The following NOTCH2NLR variants were observed in gnomAD, a reference collection of about 807,000 sequenced individuals.
NOTCH2NLR encodes notch 2 N-terminal like R (pseudogene).
Under a neutral mutation model 35.6 loss-of-function variants are expected in NOTCH2NLR, and 33 were observed. That is an observed-to-expected ratio of 0.93 (90% CI 0.70 to 1.24). The LOEUF is 1.24. Ranked by LOEUF, NOTCH2NLR falls within the 50% of genes most tolerant of loss-of-function variation. The pLI is 0.00. For missense variants in NOTCH2NLR, 276 were observed against 362.2 expected (o/e 0.76, Z 1.93); for synonymous variants, 103 against 141.0 (o/e 0.73, Z 1.91).
At chr1:120,793,832 TG>T in exon 5 of NOTCH2NLR, 1 of 790,158 alleles carries the variant, frequency 1.3e-6, no homozygotes, top group South Asian at 1.5e-5. Context: ...AATTAGACAC[TG>T]GAAAATATGT....
chr1:120,754,780 G>C (rs1459206584), intron 1 of NOTCH2NLR, among the ~76,000 whole-genome samples: 1 of 115,458 alleles, frequency 8.7e-6, no homozygotes, highest in African/African-American at 5.1e-5. Context: ...GGTAAGAAAG[G>C]AACTTTCAAA....
Position 120,793,499 on chromosome 1 carries a change from A to G in NOTCH2NLR, c.751+3A>G. 1.6e-6 allele frequency: 2 copies of G among 1,243,468 alleles called. 1 individual carries two copies. Among genetic ancestry groups the G allele is most frequent in the Non-Finnish European group, 2.2e-6 (2 of 904,396 alleles). 77.0% of individuals were successfully genotyped at this position (1,243,468 alleles called of 1,614,324 possible). On this transcript the variant is annotated splice_donor_region_variant and intron_variant, in intron 4 of 4. Transcript: ENST00000624419. ...TTTTGAGTGCAACTGCCTTCCAGGTAAGGAGCTCCCTAGTGTCCCAGGATT... is the reference window on the plus strand; with the variant it reads ...TTTTGAGTGCAACTGCCTTCCAGGTGAGGAGCTCCCTAGTGTCCCAGGATT...
intron 2 of NOTCH2NLR, among the ~76,000 whole-genome samples, chr1:120,770,310 T>G (rs1163119136): frequency 9.5e-6 from 1 of 105,814 alleles, no homozygotes; most frequent in Non-Finnish European, 1.7e-5. Flanking sequence ...GCCGGGACTA[T>G]AAGCGCCCGC....
At chr1:120,728,738 T>G (rs2101343221) in intron 1 of NOTCH2NLR, among the ~76,000 whole-genome samples, 1 of 117,670 alleles carries the variant, frequency 8.5e-6, no homozygotes, top group Non-Finnish European at 1.6e-5. Context: ...TTTTTTGAGA[T>G]TTTTTTCATT....
At chr1:120,770,232 C>G (rs1407445330) in intron 2 of NOTCH2NLR, among the ~76,000 whole-genome samples, 1 of 102,502 alleles carries the variant, frequency 9.8e-6, no homozygotes, top group South Asian at 2.9e-4. Flanking sequence ...TGCAGTGGCG[C>G]TTTCTTGGCT....
In NOTCH2NLR at chr1:120,780,069, G is replaced by A. The variant is rs1228696421; in HGVS notation, c.156-4905G>A. ...TAGAGATGGATTTTGTGGAACATTT[G>A]GATTGAGAGACTGACTTTATCCATC... On this transcript the variant is annotated intron_variant, in intron 2 of 4. Coordinates refer to ENST00000624419, the Ensembl canonical transcript of NOTCH2NLR. Among the ~76,000 whole-genome samples, 1,253 of 129,322 alleles carry A rather than the reference G, an allele frequency of 9.7e-3. 99 individuals are homozygous for A. Among genetic ancestry groups the A allele is most frequent in the Non-Finnish European group, 0.013 (784 of 61,898 alleles). The allele number at this position is 129,322 out of a possible 152,430, so 84.8% of individuals were successfully genotyped here. A position where few individuals can be genotyped will look rare whatever the true frequency, so the allele number is the denominator to read the frequency against.
chr1:120,782,902 TAGTC>T lies in NOTCH2NLR; in HGVS notation c.156-2069_156-2066del, dbSNP rs1284862788. Among the ~76,000 whole-genome samples the T allele has an allele frequency of 3.4e-4, 32 of 94,110 alleles. 2 individuals carry two copies. Among genetic ancestry groups the T allele is most frequent in the Middle Eastern group, 4.8e-3 (1 of 210 alleles). The allele number at this position is 94,110 out of a possible 152,430, so 61.7% of individuals were successfully genotyped here. On this transcript the variant is annotated intron_variant, in intron 2 of 4. Coordinates refer to ENST00000624419, the Ensembl canonical transcript of NOTCH2NLR. ...ATTGAAGACTGTTCTTTTGTTGAAG[TAGTC>T]AGCCAGTAATTTCACTTAACAAATG...
In NOTCH2NLR at chr1:120,778,323, C is replaced by T. The variant is rs1390030402; in HGVS notation, c.156-6651C>T. Among the ~76,000 whole-genome samples the T allele has an allele frequency of 7.6e-5, 6 of 79,338 alleles. 1 individual carries two copies. Among genetic ancestry groups the T allele is most frequent in the Admixed American group, 1.2e-4 (1 of 8,062 alleles). 52.0% of individuals were successfully genotyped at this position (79,338 alleles called of 152,430 possible). ...CGGATTGGGGGGCCAAGAGGCCCAGCGCAAGAAGAAAGTGGGTTGAAAGCA... is the reference window on the plus strand; with the variant it reads ...CGGATTGGGGGGCCAAGAGGCCCAGTGCAAGAAGAAAGTGGGTTGAAAGCA... On this transcript the variant is annotated intron_variant, in intron 2 of 4. Coordinates refer to ENST00000624419, the Ensembl canonical transcript of NOTCH2NLR.
rs1207326563 is a variant in NOTCH2NLR at position 120,745,180 on chromosome 1, A to T, written c.74-18448A>T. Among the ~76,000 whole-genome samples the T allele has an allele frequency of 1.8e-5, 2 of 109,816 alleles. 1 individual carries two copies. The highest frequency in any genetic ancestry group is 1.1e-4 in the African/African-American group (2 of 18,214). The allele number at this position is 109,816 out of a possible 152,430, so 72.0% of individuals were successfully genotyped here. ...TGGTATTGGGCCTGTCTAATTGCAAAGCCACATTCTTTACTGCACGCTTTA... is the reference window on the plus strand; with the variant it reads ...TGGTATTGGGCCTGTCTAATTGCAATGCCACATTCTTTACTGCACGCTTTA... On this transcript the variant is annotated intron_variant, in intron 1 of 4. Transcript: ENST00000624419.
At chr1:120,756,602 A>C (rs1651082995) in intron 1 of NOTCH2NLR, among the ~76,000 whole-genome samples, 1 of 117,968 alleles carries the variant, frequency 8.5e-6, no homozygotes, top group Admixed American at 8.0e-5. Flanking sequence ...ATGTTAATGC[A>C]ACAAGTAAAA....
intron 1 of NOTCH2NLR, among the ~76,000 whole-genome samples, chr1:120,744,974 G>A (rs1438840280): frequency 3.5e-5 from 1 of 28,408 alleles, no homozygotes; most frequent in African/African-American, 4.9e-4. Context: ...AAAAAAATTA[G>A]CCAGGAGTGG....
downstream of NOTCH2NLR, among the ~76,000 whole-genome samples, chr1:120,794,391 T>C (rs1651533898): frequency 7.0e-5 from 8 of 113,582 alleles, 3 homozygotes; most frequent in Admixed American, 6.8e-4. Flanking sequence ...GATGAATTAC[T>C]AAGCAACAAA....
intron 3 of NOTCH2NLR, among the ~76,000 whole-genome samples, chr1:120,791,340 A>G (rs1443191961): frequency 1.0e-5 from 1 of 98,930 alleles, no homozygotes; most frequent in Non-Finnish European, 1.8e-5. Context: ...ATAAAGACAC[A>G]TGCACACGTA....
At position 120,768,060 on chromosome 1, in the gene NOTCH2NLR, C is replaced by T. The variant is rs1181407154; in HGVS notation, c.155+4351C>T. On this transcript the variant is annotated intron_variant, in intron 2 of 4. Coordinates refer to ENST00000624419, the Ensembl canonical transcript of NOTCH2NLR. ...GTGGGTGATAGATTTTAAAGTTTATCTCCCACTAAAGAATGTTGAATTTTG... is the reference window on the plus strand; with the variant it reads ...GTGGGTGATAGATTTTAAAGTTTATTTCCCACTAAAGAATGTTGAATTTTG... Among the ~76,000 whole-genome samples, 2 of 102,264 alleles carry T rather than the reference C, an allele frequency of 2.0e-5. 1 individual carries two copies. Among genetic ancestry groups the T allele is most frequent in the African/African-American group, 1.3e-4 (2 of 15,684 alleles). 67.1% of individuals were successfully genotyped at this position (102,264 alleles called of 152,430 possible).
In NOTCH2NLR at chr1:120,724,745, G is replaced by A. The variant is rs1328550550; in HGVS notation, c.73+495G>A. 1.7e-5 allele frequency among the ~76,000 whole-genome samples: 2 copies of A among 120,268 alleles called. 1 individual carries two copies. Among genetic ancestry groups the A allele is most frequent in the African/African-American group, 8.4e-5 (2 of 23,884 alleles). The allele number at this position is 120,268 out of a possible 152,430, so 78.9% of individuals were successfully genotyped here. A position where few individuals can be genotyped will look rare whatever the true frequency, so the allele number is the denominator to read the frequency against. On this transcript the variant is annotated intron_variant, in intron 1 of 4. Coordinates refer to ENST00000624419, the Ensembl canonical transcript of NOTCH2NLR. ...TTTGCCAGGGGGCGGCACATGGGCC[G>A]GGTGTGTGGGCTTGGTTTGGATGGG...
In NOTCH2NLR at chr1:120,784,932, A is replaced by G; in HGVS notation, c.156-42A>G. 4.2e-6 allele frequency: 5 copies of G among 1,200,100 alleles called. 1 individual carries two copies. In the Admixed American group the frequency reaches 6.5e-5, roughly 16 times the overall value. 74.3% of individuals were successfully genotyped at this position (1,200,100 alleles called of 1,614,324 possible). ...TTTACTGTAATTTTTTGGACTTACA[A>G]GAAGTCAGGTGTTTTCATGGACTCT... On this transcript the variant is annotated intron_variant, in intron 2 of 4. Coordinates refer to ENST00000624419, the Ensembl canonical transcript of NOTCH2NLR.
Position 120,733,214 on chromosome 1 carries a change from T to A in NOTCH2NLR, c.73+8964T>A, listed in dbSNP as rs1414458871. On this transcript the variant is annotated intron_variant, in intron 1 of 4. Coordinates refer to ENST00000624419, the Ensembl canonical transcript of NOTCH2NLR. Reference sequence around the variant, plus strand: ...TATTGTCAACACTAGGTTTTATTTTTAAAAATCTTTACCATTTGATAAGTG... The same window carrying A: ...TATTGTCAACACTAGGTTTTATTTTAAAAAATCTTTACCATTTGATAAGTG... Among the ~76,000 whole-genome samples the A allele has an allele frequency of 3.9e-5, 4 of 102,440 alleles. 2 individuals are homozygous for A. The highest frequency in any genetic ancestry group is 2.5e-4 in the African/African-American group (4 of 16,020). 67.2% of individuals were successfully genotyped at this position (102,440 alleles called of 152,430 possible).
intron 2 of NOTCH2NLR, among the ~76,000 whole-genome samples, chr1:120,784,024 A>G (rs1651394928): frequency 8.8e-6 from 1 of 113,826 alleles, no homozygotes; most frequent in Non-Finnish European, 1.7e-5. Flanking sequence ...TAAGAAGTAG[A>G]TGGAAAAGAA....
rs1460479858 is a variant in NOTCH2NLR, at chr1:120,785,224, G to A, written c.406G>A (p.Gly136Arg). 3.5e-4 allele frequency: 502 copies of A among 1,445,006 alleles called. 110 individuals are homozygous for A. The highest frequency in any genetic ancestry group is 4.3e-4 in the Non-Finnish European group (470 of 1,081,320). 89.5% of individuals were successfully genotyped at this position (1,445,006 alleles called of 1,614,324 possible). Reference sequence around the variant, plus strand: ...TACCTATGAGTGCACCTGTCAAGTCGGGTTTACAGGTAACTAATGAGACCA... The same window carrying A: ...TACCTATGAGTGCACCTGTCAAGTCAGGTTTACAGGTAACTAATGAGACCA... Residue 136 changes from glycine to arginine, a missense_variant, in exon 3 of 5, where the codon GGG becomes AGG. Coordinates refer to ENST00000624419, the Ensembl canonical transcript of NOTCH2NLR.
Sources: allele counts gnomAD v4.1 joint callset (sites outside exome capture counted in the v4.1 genomes callset), GRCh38; gene constraint gnomAD v4.1.1; transcripts MANE v1.5; gene names NCBI Gene and HGNC (gene_info 2026-07-23, HGNC 2026-07-21).